The following GXYLT1 variants were observed in gnomAD, a reference collection of about 807,000 sequenced individuals.
GXYLT1 encodes the protein glycosyltransferase 8 domain containing 3.
A neutral mutation model predicts 54.0 loss-of-function variants in GXYLT1; 29 were observed. That is an observed-to-expected ratio of 0.54 (90% CI 0.40 to 0.73). The LOEUF (loss-of-function observed/expected upper bound fraction) is 0.73. Among genes scored for constraint, GXYLT1 ranks in the 30% least tolerant of loss-of-function variants. The pLI is 0.00. For missense variants in GXYLT1, 490 were observed against 553.4 expected (o/e 0.89, Z 1.15); for synonymous variants, 176 against 204.1 (o/e 0.86, Z 1.17).
At chr12:42,124,552 T>C (rs1324353449) in intron 2 of GXYLT1, among the ~76,000 whole-genome samples, 1 of 152,094 alleles carries the variant, frequency 6.6e-6, no homozygotes, top group Non-Finnish European at 1.5e-5. Flanking sequence ...ATTCAACAAA[T>C]AATCAACAAA....
At chr12:42,115,602 T>C (rs2136901674) in intron 3 of GXYLT1, among the ~76,000 whole-genome samples, 1 of 152,102 alleles carries the variant, frequency 6.6e-6, no homozygotes, top group African/African-American at 2.4e-5. Flanking sequence ...CAAGGACAAC[T>C]ACAAACCACT....
chr12:42,102,234 A>T (rs1166604903), intron 5 of GXYLT1, among the ~76,000 whole-genome samples: 1 of 152,208 alleles, frequency 6.6e-6, no homozygotes, highest in Non-Finnish European at 1.5e-5. Context: ...CTCCAACAAA[A>T]AAGTGGGAAC....
intron 1 of GXYLT1, among the ~76,000 whole-genome samples, chr12:42,138,960 C>T (rs975937844): frequency 6.6e-6 from 1 of 152,126 alleles, no homozygotes; most frequent in Non-Finnish European, 1.5e-5. Flanking sequence ...ACTGCTTGAA[C>T]CCGGGAGGCG....
intron 2 of GXYLT1, among the ~76,000 whole-genome samples, chr12:42,129,255 CA>C (rs2136914888): frequency 6.6e-6 from 1 of 152,268 alleles, no homozygotes; most frequent in East Asian, 1.9e-4. Flanking sequence ...GGTCAATAAA[CA>C]TTAAAGGAAG....
At chr12:42,133,003 C>A (rs1255214067) in intron 1 of GXYLT1, among the ~76,000 whole-genome samples, 1 of 152,116 alleles carries the variant, frequency 6.6e-6, no homozygotes, top group Non-Finnish European at 1.5e-5. Flanking sequence ...GTAGGATCTG[C>A]TGCACGCAGT....
At chr12:42,102,911 TTA>T (rs1214182236) in intron 5 of GXYLT1, among the ~76,000 whole-genome samples, 1 of 151,902 alleles carries the variant, frequency 6.6e-6, no homozygotes, top group Admixed American at 6.6e-5. Context: ...AATTTAATAA[TTA>T]TTTCATTAAA....
chr12:42,115,895 A>G (rs10880245), intron 3 of GXYLT1, among the ~76,000 whole-genome samples: 32,325 of 92,338 alleles, frequency 0.35, 7,309 homozygotes, highest in South Asian at 0.5. Flanking sequence ...CAAGGCTACA[A>G]TAACCAAAAC....
intron 5 of GXYLT1, among the ~76,000 whole-genome samples, chr12:42,098,286 T>A (rs914374189): frequency 1.3e-5 from 2 of 152,228 alleles, no homozygotes; most frequent in African/African-American, 4.8e-5. Flanking sequence ...AGTAACTGTG[T>A]CCTTATCTTA....
Position 42,118,937 on chromosome 12 carries a change from T to C in GXYLT1, c.486+63A>G, listed in dbSNP as rs559477665. 1.8e-5 allele frequency: 22 copies of C among 1,202,726 alleles called. No homozygotes were observed. The South Asian group carries it at 2.6e-4, about 14-fold the overall frequency. The allele number at this position is 1,202,726 out of a possible 1,614,324, so 74.5% of individuals were successfully genotyped here. A position where few individuals can be genotyped will look rare whatever the true frequency, so the allele number is the denominator to read the frequency against. On this transcript the variant is annotated intron_variant, in intron 3 of 7. Transcript: ENST00000398675. ...ATGTGAACAGACTATTACAACAACA[T>C]TCTATTATAGTATATTATTAAATAT...
chr12:42,102,205 A>G (rs1226689962), intron 5 of GXYLT1, among the ~76,000 whole-genome samples: 1 of 152,232 alleles, frequency 6.6e-6, no homozygotes, highest in African/African-American at 2.4e-5. Context: ...ATATAAAATT[A>G]AAGCGCATTC....
chr12:42,091,273 CT>C (rs1459284616), intron 7 of GXYLT1, among the ~76,000 whole-genome samples: 1 of 151,424 alleles, frequency 6.6e-6, no homozygotes, highest in African/African-American at 2.4e-5. Context: ...ATCTGAAATC[CT>C]TTTAAAAATA....
At chr12:42,137,829 G>A (rs2065629409) in intron 1 of GXYLT1, among the ~76,000 whole-genome samples, 1 of 149,112 alleles carries the variant, frequency 6.7e-6, no homozygotes, top group Non-Finnish European at 1.5e-5. Flanking sequence ...CAGTATGAAT[G>A]AAGTGCTGCT....
intron 1 of GXYLT1, among the ~76,000 whole-genome samples, chr12:42,134,678 T>C (rs190412434): frequency 6.6e-6 from 1 of 151,492 alleles, no homozygotes; most frequent in African/African-American, 2.5e-5. Context: ...AACTTCCACC[T>C]TCTTCTTTCA....
intron 3 of GXYLT1, among the ~76,000 whole-genome samples, chr12:42,117,291 T>A (rs2639131): frequency 0.024 from 3,695 of 150,844 alleles, 155 homozygotes; most frequent in African/African-American, 0.084. Flanking sequence ...TAATAAAATT[T>A]AAAAAAAAAT....
chr12:42,104,050 A>C (rs923042241), intron 5 of GXYLT1, among the ~76,000 whole-genome samples: 10 of 152,196 alleles, frequency 6.6e-5, no homozygotes. Context: ...GGAGTTCAAG[A>C]CCAGCCTGGG....
intron 1 of GXYLT1, among the ~76,000 whole-genome samples, chr12:42,130,258 G>T (rs1022460429): frequency 1.5e-4 from 23 of 152,080 alleles, no homozygotes; most frequent in Non-Finnish European, 2.6e-4. Context: ...ACCAATACTG[G>T]CAGAAAGGGA....
intron 1 of GXYLT1, among the ~76,000 whole-genome samples, chr12:42,135,172 G>A (rs915300440): frequency 6.6e-6 from 1 of 152,328 alleles, no homozygotes; most frequent in East Asian, 1.9e-4. Context: ...GGACTGTGTT[G>A]TTCAATCTGG....
intron 3 of GXYLT1, among the ~76,000 whole-genome samples, chr12:42,114,182 G>A (rs530541120): frequency 6.6e-6 from 1 of 152,248 alleles, no homozygotes; most frequent in South Asian, 2.1e-4. Flanking sequence ...AAGCAGGAAA[G>A]GTCTAAAATT....
rs2065416233 is a variant in GXYLT1 at position 42,105,842 on chromosome 12, A to G, written c.840T>C (p.Thr280=). Residue 280 remains threonine, a synonymous_variant, in exon 5 of 8, where the codon ACT becomes ACC. Transcript: ENST00000398675. ...CCTTGAAATACTTCCTTCTCATTCG[A>G]GTCATGTTCATCAACATAACTCCAG... ...VNSGVMLMNM[T]RMRRKYFKND... is the part of the protein sequence containing the mutation. 2 of 1,612,680 alleles carry G rather than the reference A, an allele frequency of 1.2e-6. No individual in the cohort carries two copies.
Sources: gnomAD v4.1 joint callset for allele counts (sites outside exome capture counted in the v4.1 genomes callset) on GRCh38, gnomAD v4.1.1 for gene constraint, MANE v1.5 for transcripts, NCBI Gene and HGNC (gene_info 2026-07-23, HGNC 2026-07-21) for gene names.